The following GMPS variants were observed in gnomAD, a reference collection of about 807,000 sequenced individuals.
GMPS encodes GMP synthase [glutamine-hydrolyzing].
A neutral mutation model predicts 77.9 loss-of-function variants in GMPS; 15 were observed. The ratio of observed to expected loss-of-function variants is 0.19; its 90% CI spans 0.13 to 0.30. The LOEUF (loss-of-function observed/expected upper bound fraction) is 0.30, where lower values mean the gene tolerates loss of function less well. GMPS is among the 10% of genes least tolerant of loss of function. GMPS has a pLI of 1.00. For missense variants in GMPS, 590 were observed against 838.8 expected, an observed-to-expected ratio of 0.70 and a Z score of 3.66; for synonymous variants, 224 against 275.9, an observed-to-expected ratio of 0.81 and a Z score of 1.86.
Position 155,910,932 on chromosome 3 carries a change from T to G in GMPS, c.720+47T>G, listed in dbSNP as rs753283264. 3.0e-6 allele frequency: 4 copies of G among 1,350,304 alleles called. No individual in the cohort carries two copies. The Middle Eastern group carries it at 5.6e-4, about 190-fold the overall frequency. 83.6% of individuals were successfully genotyped at this position (1,350,304 alleles called of 1,614,324 possible). On this transcript the variant is annotated intron_variant, in intron 6 of 15. Coordinates refer to ENST00000496455, the MANE Select transcript of GMPS (RefSeq NM_003875.3). Reference sequence around the variant, plus strand: ...AGTCTACAAATTTATATCAATAATATTGGAATCCAGGAGTTAGAGTCCTCA... The same window carrying G: ...AGTCTACAAATTTATATCAATAATAGTGGAATCCAGGAGTTAGAGTCCTCA...
intron 3 of GMPS, among the ~76,000 whole-genome samples, chr3:155,900,841 G>T (rs1425647029): frequency 6.6e-6 from 1 of 152,104 alleles, no homozygotes; most frequent in South Asian, 2.1e-4. Flanking sequence ...TCTAGCTAAC[G>T]TGTGTTTGTA....
chr3:155,896,719 C>T (rs1754612102), intron 2 of GMPS, among the ~76,000 whole-genome samples: 1 of 143,404 alleles, frequency 7.0e-6, no homozygotes. Context: ...CCATGCCCAG[C>T]CTTACTGAGA....
intron 1 of GMPS, among the ~76,000 whole-genome samples, chr3:155,884,726 A>G (rs577019892): frequency 6.6e-6 from 1 of 152,316 alleles, no homozygotes; most frequent in Non-Finnish European, 1.5e-5. Flanking sequence ...ATACAGTAGA[A>G]CTGTATTCAG....
chr3:155,906,125 A>G lies in GMPS; in HGVS notation c.423-35A>G, dbSNP rs750205221. ...GAACCCATGAATCATGTTTTTAATTAAGATATTTGTGTGTTTTATTTTTTG... is the reference window on the plus strand; with the variant it reads ...GAACCCATGAATCATGTTTTTAATTGAGATATTTGTGTGTTTTATTTTTTG... On this transcript the variant is annotated intron_variant, in intron 4 of 15. Transcript: ENST00000496455. The G allele has an allele frequency of 5.0e-6, 6 of 1,192,734 alleles. No homozygotes were observed. The East Asian group carries it at 1.2e-4, about 24-fold the overall frequency. 73.9% of individuals were successfully genotyped at this position (1,192,734 alleles called of 1,614,324 possible). A position where few individuals can be genotyped will look rare whatever the true frequency, so the allele number is the denominator to read the frequency against.
chr3:155,899,470 T>G (rs1754682093), intron 3 of GMPS, among the ~76,000 whole-genome samples: 1 of 151,870 alleles, frequency 6.6e-6, no homozygotes, highest in African/African-American at 2.4e-5. Flanking sequence ...TAGAGGGGTT[T>G]TAGGTTCACA....
At chr3:155,887,111 C>T (rs1031137778) in intron 1 of GMPS, among the ~76,000 whole-genome samples, 15 of 152,082 alleles carry the variant, frequency 9.9e-5, no homozygotes, top group African/African-American at 3.6e-4. Context: ...ATTTTTCAGC[C>T]AGAAAGGACA....
chr3:155,911,962 T>C (rs1755050343), intron 7 of GMPS, among the ~76,000 whole-genome samples: 1 of 152,106 alleles, frequency 6.6e-6, no homozygotes, highest in South Asian at 2.1e-4. Flanking sequence ...AAGCTTATTG[T>C]GGGAGAGGTA....
intron 3 of GMPS, among the ~76,000 whole-genome samples, chr3:155,898,993 G>C (rs1754666196): frequency 6.6e-6 from 1 of 152,200 alleles, no homozygotes; most frequent in Non-Finnish European, 1.5e-5. Flanking sequence ...CACTTTGGGA[G>C]GCCGAGGCGG....
At chr3:155,918,169 G>T (rs1755232296) in intron 9 of GMPS, among the ~76,000 whole-genome samples, 2 of 151,942 alleles carry the variant, frequency 1.3e-5, no homozygotes, top group South Asian at 4.2e-4. Flanking sequence ...TAGTCATCTG[G>T]CTCAGCACAG....
At position 155,893,564 on chromosome 3, in the gene GMPS, A is replaced by T. The variant is rs1754524945; in HGVS notation, c.74A>T (p.Glu25Val). Residue 25 changes from glutamate to valine, a missense_variant, in exon 2 of 16, where the codon GAA becomes GTA. Around this residue, in one of 6 missense-constraint regions of GMPS, gnomAD observed 47 missense variants for 45.5 expected, o/e 1.03. Transcript: ENST00000496455. ...GDLKDGHHHYEGAVVILDAGA... is the reference protein window; with the variant it reads ...GDLKDGHHHYVGAVVILDAGA... The stretch of plus-strand genomic sequence containing the variant: ...CTTAAGGATGGCCACCACCACTATG[A>T]AGGAGCTGTTGTCATTCTGGATGCT... The T allele has an allele frequency of 5.6e-6, 9 of 1,612,920 alleles. No individual in the cohort carries two copies. Among genetic ancestry groups the T allele is most frequent in the Non-Finnish European group, 7.6e-6 (9 of 1,179,040 alleles).
rs199726862 is a variant in GMPS, at chr3:155,927,014, TA to T, written c.1560+1663del. Among the ~76,000 whole-genome samples, 1,223 of 142,970 alleles carry T rather than the reference TA, an allele frequency of 8.6e-3. 2 individuals carry two copies. The highest frequency in any genetic ancestry group is 0.015 in the South Asian group (68 of 4,574). 93.8% of individuals were successfully genotyped at this position (142,970 alleles called of 152,430 possible). A position where few individuals can be genotyped will look rare whatever the true frequency, so the allele number is the denominator to read the frequency against. ...GGGCAACAAGAGTGAAACTCCTTCT[TA>T]AAAAAAAAAAAAAATTGATTGTTAT... On this transcript the variant is annotated intron_variant, in intron 12 of 15. Transcript: ENST00000496455.
intron 10 of GMPS, among the ~76,000 whole-genome samples, chr3:155,920,522 A>T (rs1755291809): frequency 6.7e-6 from 1 of 150,254 alleles, no homozygotes; most frequent in Non-Finnish European, 1.5e-5. Flanking sequence ...TTGCAGTGAG[A>T]CAAGATTACA....
chr3:155,877,081 C>T lies in GMPS; in HGVS notation c.27+6184C>T, dbSNP rs190572193. ...TCTACCTCATTTGCAATTTGGAGAA[C>T]GAGTCTCAGTAATTCTTCTGAATCC... On this transcript the variant is annotated intron_variant, in intron 1 of 15. Coordinates refer to ENST00000496455, the MANE Select transcript of GMPS (RefSeq NM_003875.3). 5.5e-3 allele frequency among the ~76,000 whole-genome samples: 837 copies of T among 152,234 alleles called. 2 individuals carry two copies. The highest frequency in any genetic ancestry group is 0.015 in the South Asian group (71 of 4,824).
chr3:155,884,755 A>G (rs1754297181), intron 1 of GMPS, among the ~76,000 whole-genome samples: 1 of 152,220 alleles, frequency 6.6e-6, no homozygotes. Context: ...AGAAGATAGA[A>G]TTCATCAACC....
chr3:155,925,457 C>A, intron 12 of GMPS, 91 bp downstream of exon 12: 1 of 1,010,268 alleles, frequency 9.9e-7, no homozygotes, highest in Non-Finnish European at 1.4e-6. Flanking sequence ...CAGGCTGGAG[C>A]GCAGTGGCGT....
intron 5 of GMPS, among the ~76,000 whole-genome samples, chr3:155,909,629 T>C (rs62286851): frequency 0.054 from 8,300 of 152,312 alleles, 319 homozygotes; most frequent in East Asian, 0.18. Flanking sequence ...GCTAAAAATC[T>C]ACTGAGACAT....
intron 5 of GMPS, 37 bp downstream of exon 5, chr3:155,906,300 AAAC>A (rs1754879877): frequency 8.1e-7 from 1 of 1,241,972 alleles, no homozygotes; most frequent in East Asian, 2.3e-5. Flanking sequence ...TTCATTTAAA[AAAC>A]TTTATCTGAA....
chr3:155,887,016 T>C (rs1473806035), intron 1 of GMPS, among the ~76,000 whole-genome samples: 3 of 152,322 alleles, frequency 2.0e-5, no homozygotes, highest in Admixed American at 6.5e-5. Flanking sequence ...TTTTAAGATA[T>C]TAATATTTAA....
intron 12 of GMPS, among the ~76,000 whole-genome samples, chr3:155,928,019 CTTTTTTTTTTTTTT>C (rs35962523): frequency 1.5e-5 from 1 of 67,842 alleles, no homozygotes; most frequent in South Asian, 5.2e-4. Flanking sequence ...GCATTTTACA[CTTTTTTTTTTTTTT>C]TTTTTTTTTT....
Sources: allele counts gnomAD v4.1 joint callset (sites outside exome capture counted in the v4.1 genomes callset), GRCh38; gene constraint gnomAD v4.1.1; regional missense constraint gnomAD v4.1.1; transcripts MANE v1.5; gene names NCBI Gene and HGNC (gene_info 2026-07-23, HGNC 2026-07-21).